Variants in PLEKHM3 observed in about 807,000 individuals in gnomAD.
PLEKHM3 encodes the protein pleckstrin homology domain containing M3.
PLEKHM3 carries 45 observed loss-of-function variants against 81.8 expected under a neutral mutation model. That is an observed-to-expected ratio of 0.55 (90% CI 0.43 to 0.71). PLEKHM3 has a LOEUF of 0.71. PLEKHM3 is among the 30% of genes least tolerant of loss of function. The probability of loss-of-function intolerance (pLI) is 0.00; values close to 1 mark genes in which losing one functional copy is unlikely to be tolerated. For missense variants in PLEKHM3, 788 were observed against 924.3 expected (o/e 0.85, Z 1.91); for synonymous variants, 352 against 356.4 (o/e 0.99, Z 0.14).
chr2:208,000,988 GAAAA>G, intron 2 of PLEKHM3, 38 bp downstream of exon 2: 6 of 1,143,544 alleles, frequency 5.2e-6, no homozygotes, highest in South Asian at 1.9e-5. Flanking sequence ...GCCCCAAAAA[GAAAA>G]AAAAAAAAAA....
chr2:207,914,452 C>T (rs550906277), intron 5 of PLEKHM3, among the ~76,000 whole-genome samples: 30 of 151,556 alleles, frequency 2.0e-4, no homozygotes, highest in African/African-American at 6.5e-4. Context: ...GAGCCAACAT[C>T]GCGCCATTGC....
At chr2:207,998,194 A>G (rs1443543791) in intron 2 of PLEKHM3, among the ~76,000 whole-genome samples, 1 of 152,222 alleles carries the variant, frequency 6.6e-6, no homozygotes, top group Non-Finnish European at 1.5e-5. Flanking sequence ...CACATTCGCT[A>G]TCTCCTGGAT....
rs149304126 is a variant in PLEKHM3, at chr2:207,879,840, G to C, written c.1951-18578C>G. On this transcript the variant is annotated intron_variant, in intron 6 of 7. Coordinates refer to ENST00000427836, the MANE Select transcript of PLEKHM3 (RefSeq NM_001080475.3). ...AAAGCATTTTATTATTGGAATAGCTGACATTCTTGTTGATTATGCAGGGTA... is the reference window on the plus strand; with the variant it reads ...AAAGCATTTTATTATTGGAATAGCTCACATTCTTGTTGATTATGCAGGGTA... Among the ~76,000 whole-genome samples, 627 of 152,212 alleles carry C rather than the reference G, an allele frequency of 4.1e-3. 5 individuals are homozygous for C. Among genetic ancestry groups the C allele is most frequent in the African/African-American group, 0.015 (602 of 41,514 alleles).
chr2:207,831,110 T>C (rs1198582943), intron 7 of PLEKHM3, among the ~76,000 whole-genome samples: 1 of 152,150 alleles, frequency 6.6e-6, no homozygotes, highest in Non-Finnish European at 1.5e-5. Flanking sequence ...GGGAAGTGCT[T>C]AGTGAACAGC....
In PLEKHM3 at chr2:207,836,517, A is replaced by G. The variant is rs1363339933; in HGVS notation, c.2109-8021T>C. Among the ~76,000 whole-genome samples the G allele has an allele frequency of 3.3e-5, 5 of 152,190 alleles. No individual in the cohort carries two copies. The East Asian group carries it at 7.7e-4, about 23-fold the overall frequency. ...GAAACTAGGAAAATGAACCTGCTGC[A>G]AACTAGCAGAACTAAGTATGTGCAG... On this transcript the variant is annotated intron_variant, in intron 7 of 7. Coordinates refer to ENST00000427836, the MANE Select transcript of PLEKHM3 (RefSeq NM_001080475.3).
In PLEKHM3 at chr2:207,905,103, G is replaced by A. The variant is rs184989735; in HGVS notation, c.1950+3411C>T. ...AATCAAATTAACTTAAGAGAAATGT[G>A]TAGACAGGAACCTGTGCATTTAAGA... is the stretch of plus-strand genomic sequence containing the variant. On this transcript the variant is annotated intron_variant, in intron 6 of 7. Transcript: ENST00000427836. Among the ~76,000 whole-genome samples the A allele has an allele frequency of 4.4e-3, 666 of 152,258 alleles. 5 individuals are homozygous for A. The highest frequency in any genetic ancestry group is 0.015 in the African/African-American group (635 of 41,552).
chr2:207,905,327 G>A (rs771894379), intron 6 of PLEKHM3, among the ~76,000 whole-genome samples: 3 of 152,124 alleles, frequency 2.0e-5, no homozygotes, highest in Non-Finnish European at 4.4e-5. Context: ...ACTCTAAAAC[G>A]CCTGAAACTG....
intron 1 of PLEKHM3, among the ~76,000 whole-genome samples, chr2:208,008,501 C>CAAAAAAAAAA (rs59305459): frequency 6.0e-5 from 5 of 83,732 alleles, no homozygotes; most frequent in African/African-American, 1.7e-4. Flanking sequence ...CTAACCTTGC[C>CAAAAAAAAAA]AAAAAAAAAA....
intron 1 of PLEKHM3, among the ~76,000 whole-genome samples, chr2:208,008,271 A>T (rs1465025267): frequency 6.6e-6 from 1 of 151,552 alleles, no homozygotes; most frequent in Non-Finnish European, 1.5e-5. Context: ...AATTTATATA[A>T]TTTTTTTCCA....
chr2:207,957,396 G>T (rs11691125), intron 3 of PLEKHM3, among the ~76,000 whole-genome samples: 77,551 of 152,056 alleles, frequency 0.51, 20,652 homozygotes, highest in Middle Eastern at 0.71. Flanking sequence ...AGAGGTCTTA[G>T]ATTATAAAAC....
intron 4 of PLEKHM3, among the ~76,000 whole-genome samples, chr2:207,936,679 T>C (rs1398142727): frequency 2.0e-5 from 3 of 152,112 alleles, no homozygotes; most frequent in Non-Finnish European, 4.4e-5. Context: ...AACTCACAAA[T>C]TGTACATGCC....
At chr2:207,979,450 C>T (rs1345216681) in intron 2 of PLEKHM3, among the ~76,000 whole-genome samples, 3 of 151,752 alleles carry the variant, frequency 2.0e-5, no homozygotes, top group Admixed American at 2.0e-4. Context: ...AGGAGAATCA[C>T]TTGAACCCAG....
intron 2 of PLEKHM3, among the ~76,000 whole-genome samples, chr2:207,981,000 T>A (rs1417913726): frequency 6.6e-6 from 1 of 151,536 alleles, no homozygotes; most frequent in Non-Finnish European, 1.5e-5. Context: ...TGGTGGTGTG[T>A]GCCTGTAATC....
intron 3 of PLEKHM3, among the ~76,000 whole-genome samples, chr2:207,958,445 T>C (rs548808484): frequency 1.1e-4 from 17 of 152,288 alleles, no homozygotes; most frequent in African/African-American, 2.4e-4. Context: ...ATAGTTGACC[T>C]CCCTCTTTCT....
In PLEKHM3 at chr2:207,846,735, AT is replaced by A. The variant is rs772660957; in HGVS notation, c.2108+14369del. Among the ~76,000 whole-genome samples, 596 of 150,080 alleles carry A rather than the reference AT, an allele frequency of 4.0e-3. 7 individuals are homozygous for A. The highest frequency in any genetic ancestry group is 0.011 in the African/African-American group (433 of 40,926). ...CAGATCCTGTCTCAAAAAAAAAAAA[AT>A]TTTTTTTTTCTTTAAAAGTACCCAT... On this transcript the variant is annotated intron_variant, in intron 7 of 7. Transcript: ENST00000427836.
chr2:207,952,296 T>G (rs989625026), intron 3 of PLEKHM3, among the ~76,000 whole-genome samples: 5 of 152,186 alleles, frequency 3.3e-5, no homozygotes, highest in Admixed American at 2.0e-4. Context: ...GACTTCCCTG[T>G]CCCTCCTTCC....
At chr2:207,891,485 C>A (rs921224100) in intron 6 of PLEKHM3, among the ~76,000 whole-genome samples, 4 of 152,172 alleles carry the variant, frequency 2.6e-5, no homozygotes. Context: ...CGGCAAGATA[C>A]AAACTCAAGC....
intron 5 of PLEKHM3, among the ~76,000 whole-genome samples, chr2:207,923,799 A>G (rs1689266631): frequency 6.7e-6 from 1 of 148,516 alleles, no homozygotes; most frequent in Non-Finnish European, 1.5e-5. Context: ...TGATTAACTG[A>G]AACATACCTG....
At chr2:207,987,439 CT>C (rs755935387) in intron 2 of PLEKHM3, among the ~76,000 whole-genome samples, 9 of 152,206 alleles carry the variant, frequency 5.9e-5, no homozygotes, top group Non-Finnish European at 1.2e-4. Context: ...GTAACAACCC[CT>C]TGTGGCACTG....
Sources: gnomAD v4.1 joint callset for allele counts (sites outside exome capture counted in the v4.1 genomes callset) on GRCh38, gnomAD v4.1.1 for gene constraint, MANE v1.5 for transcripts, NCBI Gene and HGNC (gene_info 2026-07-23, HGNC 2026-07-21) for gene names.